CWH43: variants seen among roughly 807,000 people sequenced by gnomAD.
CWH43 encodes the protein cell wall biogenesis 43 C-terminal homolog.
A neutral mutation model predicts 85.7 loss-of-function variants in CWH43; 91 were observed. The ratio of observed to expected loss-of-function variants is 1.06; its 90% CI spans 0.90 to 1.26. The LOEUF is 1.26. Ranked by LOEUF, CWH43 falls within the 50% of genes most tolerant of loss-of-function variation. The pLI is 0.00. For synonymous variants in CWH43, 323 were observed against 293.6 expected, an observed-to-expected ratio of 1.10 and a Z score of -1.02; for missense variants, 869 against 839.2, an observed-to-expected ratio of 1.04 and a Z score of -0.44.
intron 14 of CWH43, among the ~76,000 whole-genome samples, chr4:49,047,297 C>G (rs1305488384): frequency 6.6e-6 from 1 of 152,158 alleles, no homozygotes; most frequent in East Asian, 1.9e-4. Context: ...AAGTATCGAT[C>G]TAGCAGAATG....
At chr4:49,027,724 G>A (rs1404779538) in intron 9 of CWH43, among the ~76,000 whole-genome samples, 4 of 152,062 alleles carry the variant, frequency 2.6e-5, no homozygotes, top group Non-Finnish European at 5.9e-5. Flanking sequence ...TAAAATATAC[G>A]ATTAAGTTAT....
intron 8 of CWH43, among the ~76,000 whole-genome samples, chr4:49,013,431 T>C (rs1444277591): frequency 6.6e-6 from 1 of 152,252 alleles, no homozygotes; most frequent in Non-Finnish European, 1.5e-5. Flanking sequence ...GGAAATCCTC[T>C]GGCCCCTTGC....
Position 48,992,160 on chromosome 4 carries a change from G to C in CWH43, c.511+70G>C. On this transcript the variant is annotated intron_variant, in intron 4 of 15. Coordinates refer to ENST00000226432, the MANE Select transcript of CWH43 (RefSeq NM_025087.3). This position sits in a 1 kb window ranked among gnomAD's most constrained non-coding sequence, Gnocchi z 4.3. ...TCCTATGTGAATGTTGCACATCTTG[G>C]AAAGAAAATCTATAAAAGTAGTCTT... The C allele has an allele frequency of 2.3e-6, 3 of 1,306,688 alleles. No homozygotes were observed. Among genetic ancestry groups the C allele is most frequent in the Non-Finnish European group, 3.2e-6 (3 of 934,014 alleles). 80.9% of individuals were successfully genotyped at this position (1,306,688 alleles called of 1,614,324 possible). A position where few individuals can be genotyped will look rare whatever the true frequency, so the allele number is the denominator to read the frequency against.
At chr4:49,024,389 T>A (rs1783840431) in intron 9 of CWH43, among the ~76,000 whole-genome samples, 2 of 152,186 alleles carry the variant, frequency 1.3e-5, no homozygotes, top group South Asian at 4.1e-4. Flanking sequence ...ATTGTGCAAT[T>A]TGTTGCCTGA....
At chr4:49,003,601 A>ATCTTAGTT in intron 6 of CWH43, 134 bp from the exon 7 acceptor site, 1 of 817,664 alleles carries the variant, frequency 1.2e-6, no homozygotes, top group Non-Finnish European at 2.0e-6. Flanking sequence ...ACCTTGTCAG[A>ATCTTAGTT]TCTTAGTTTT....
intron 13 of CWH43, among the ~76,000 whole-genome samples, chr4:49,040,017 T>C (rs944401806): frequency 2.0e-5 from 3 of 152,136 alleles, no homozygotes; most frequent in Non-Finnish European, 4.4e-5. Context: ...CTCCTTGCGA[T>C]AGTTTGCTGA....
chr4:49,060,974 T>G (rs989873724), intron 15 of CWH43, among the ~76,000 whole-genome samples: 1 of 152,226 alleles, frequency 6.6e-6, no homozygotes. Context: ...TATTATGAAC[T>G]TCATTCCATA....
At chr4:48,986,740 A>G in intron 1 of CWH43, 1 of 1,304,880 alleles carries the variant, frequency 7.7e-7, no homozygotes, top group South Asian at 2.1e-5. Context: ...GATTGTGCCC[A>G]AGGAGCGCGA....
intron 11 of CWH43, among the ~76,000 whole-genome samples, chr4:49,032,253 A>G (rs1206922134): frequency 6.6e-6 from 1 of 152,214 alleles, no homozygotes; most frequent in African/African-American, 2.4e-5. Flanking sequence ...AGAATTGTTT[A>G]TGCAAATGTG....
In CWH43 at chr4:48,988,514, G is replaced by A. The variant is rs746966187; in HGVS notation, c.81G>A (p.Pro27=). ...GGTCTCTCTACCATGACCTGGGACC[G>A]ATGATCTATTACTTTCCTTTGCAAA... ...VSWSLYHDLG[P]MIYYFPLQTL... The change falls in exon 2 of 16, where the codon CCG becomes CCA. Residue 27 remains proline, a synonymous_variant. Coordinates refer to ENST00000226432, the MANE Select transcript of CWH43 (RefSeq NM_025087.3). The A allele has an allele frequency of 3.7e-6, 6 of 1,608,164 alleles. No individual in the cohort carries two copies. Among genetic ancestry groups the A allele is most frequent in the South Asian group, 2.2e-5 (2 of 89,598 alleles).
intron 14 of CWH43, 94 bp from the exon 15 acceptor site, chr4:49,050,600 A>G: frequency 2.1e-6 from 2 of 965,148 alleles, no homozygotes; most frequent in South Asian, 1.9e-5. Context: ...TAGAAGTGGG[A>G]AACTGGTTTA....
chr4:48,986,708 C>CCCGAGTTCCCAGCAG, intron 1 of CWH43: 1 of 1,351,974 alleles, frequency 7.4e-7, no homozygotes, highest in Non-Finnish European at 9.5e-7. Context: ...GACCCCGTCG[C>CCCGAGTTCCCAGCAG]CCGAGTTCCC....
At chr4:49,022,011 G>T (rs560375399) in intron 9 of CWH43, among the ~76,000 whole-genome samples, 16 of 152,094 alleles carry the variant, frequency 1.1e-4, no homozygotes, top group African/African-American at 3.6e-4. Flanking sequence ...GCGACAATTT[G>T]ACTTCCTCTT....
chr4:49,013,634 T>G (rs956055047), intron 8 of CWH43, among the ~76,000 whole-genome samples: 12 of 152,040 alleles, frequency 7.9e-5, no homozygotes, highest in Non-Finnish European at 1.3e-4. Flanking sequence ...TTCTCTACTT[T>G]TTTTTTTGTA....
rs1365609392 is a variant in CWH43 at position 49,028,719 on chromosome 4, C to T, written c.1357C>T (p.Leu453=). The change falls in exon 10 of 16, where the codon CTG becomes TTG. Residue 453 remains leucine (L), a synonymous_variant. Transcript: ENST00000226432. ...GTCTAGTCTAGAAAGATCAGCTCAC[C>T]TGCTCAATGAAACAGGTAAGTCTTC... The part of the protein sequence containing the change: ...GWSSLERSAH[L]LNETGADFIT... 6.2e-7 allele frequency: 1 copy of T among 1,608,014 alleles called. No homozygotes were observed. Among genetic ancestry groups the T allele is most frequent in the African/African-American group, 1.3e-5 (1 of 74,778 alleles).
At chr4:48,998,617 CA>C in intron 6 of CWH43, 69 bp downstream of exon 6, 2 of 1,111,672 alleles carry the variant, frequency 1.8e-6, no homozygotes, top group Non-Finnish European at 2.8e-6. Context: ...CAAGCATGCG[CA>C]ACTCGACTGA....
chr4:49,052,243 G>A (rs564889425), intron 15 of CWH43, among the ~76,000 whole-genome samples: 44 of 152,196 alleles, frequency 2.9e-4, no homozygotes, highest in South Asian at 6.2e-4. Flanking sequence ...CTAGGAAACC[G>A]CGGGCCTTAG....
intron 4 of CWH43, 30 bp from the exon 5 acceptor site, chr4:48,994,589 T>G (rs1782752703): frequency 6.3e-7 from 1 of 1,582,498 alleles, no homozygotes; most frequent in East Asian, 2.2e-5. Flanking sequence ...ATAACTAAAC[T>G]TTTTCCATAT....
chr4:49,020,105 T>A (rs963250351), intron 9 of CWH43, among the ~76,000 whole-genome samples: 17 of 152,058 alleles, frequency 1.1e-4, no homozygotes, highest in Non-Finnish European at 1.9e-4. Flanking sequence ...GGTGCAGTCA[T>A]CACCTGAGCA....
Sources: allele counts gnomAD v4.1 joint callset (sites outside exome capture counted in the v4.1 genomes callset), GRCh38; gene constraint gnomAD v4.1.1; non-coding constraint Gnocchi (gnomAD v3.1); transcripts MANE v1.5; gene names NCBI Gene and HGNC (gene_info 2026-07-23, HGNC 2026-07-21).